The following IFT80 variants were observed in gnomAD, a reference collection of about 807,000 sequenced individuals.
The protein encoded by IFT80 is intraflagellar transport 80.
In IFT80, 79 loss-of-function variants were observed where a neutral mutation model predicts 107.9. The observed-to-expected ratio is 0.73, with a 90% CI of 0.61 to 0.88. The LOEUF is 0.88. Among genes scored for constraint, IFT80 ranks in the 40% least tolerant of loss-of-function variants. The pLI, the probability that IFT80 is intolerant of heterozygous loss-of-function variation, is 0.00. For missense variants in IFT80, 797 were observed against 914.2 expected, an observed-to-expected ratio of 0.87 and a Z score of 1.65; for synonymous variants, 299 against 300.9, an observed-to-expected ratio of 0.99 and a Z score of 0.07.
intron 8 of IFT80, among the ~76,000 whole-genome samples, chr3:160,322,596 C>T (rs1718331472): frequency 6.6e-6 from 1 of 152,052 alleles, no homozygotes; most frequent in Admixed American, 6.6e-5. Context: ...TTCTAGATCC[C>T]TGAGGAATCA....
At chr3:160,289,885 G>T (rs912585276) in intron 12 of IFT80, among the ~76,000 whole-genome samples, 1 of 152,162 alleles carries the variant, frequency 6.6e-6, no homozygotes, top group Admixed American at 6.5e-5. Flanking sequence ...TAGACACCTT[G>T]ACGCAGAAGT....
In IFT80 at chr3:160,324,756, C is replaced by T. The variant is rs1421571194; in HGVS notation, c.778-4817G>A. ...GCCCTCTCTCACCACTCCTATTCAA[C>T]ATAGTGTTGGAAGTTCTGGTCAGGG... On this transcript the variant is annotated intron_variant, in intron 8 of 19. Transcript: ENST00000326448. Among the ~76,000 whole-genome samples, 17 of 152,216 alleles carry T rather than the reference C, an allele frequency of 1.1e-4. No homozygotes were observed. In the East Asian group the frequency reaches 3.1e-3, roughly 28 times the overall value.
intron 1 of IFT80, among the ~76,000 whole-genome samples, chr3:160,386,813 A>G (rs573526110): frequency 6.6e-6 from 1 of 152,350 alleles, no homozygotes; most frequent in South Asian, 2.1e-4. Context: ...GAAGGCCAGT[A>G]TGCCTAAAAT....
chr3:160,381,809 G>T, intron 2 of IFT80, 85 bp from the exon 3 acceptor site: 1 of 1,031,104 alleles, frequency 9.7e-7, no homozygotes, highest in Non-Finnish European at 1.5e-6. Context: ...TAAGGTATAA[G>T]TAAAATAGGG....
chr3:160,366,265 C>A, intron 5 of IFT80, 113 bp from the exon 6 acceptor site: 1 of 751,800 alleles, frequency 1.3e-6, no homozygotes. Flanking sequence ...CATTTCATTT[C>A]TTCTCTTTTC....
intron 9 of IFT80, among the ~76,000 whole-genome samples, chr3:160,314,865 C>G (rs560298113): frequency 6.6e-6 from 1 of 152,128 alleles, no homozygotes; most frequent in East Asian, 1.9e-4. Flanking sequence ...TGGTGTAAAA[C>G]CAAAGAAAAT....
In IFT80 at chr3:160,366,034, G is replaced by T; in HGVS notation, c.549+9C>A. ...CCCTGATAACAATTTACAAATGACT[G>T]AGAAGTACCTGCAAAACTTTAGCAT... is the stretch of plus-strand genomic sequence containing the variant. On this transcript the variant is annotated intron_variant, in intron 6 of 19. Coordinates refer to ENST00000326448, the MANE Select transcript of IFT80 (RefSeq NM_020800.3). 2 of 1,602,250 alleles carry T rather than the reference G, an allele frequency of 1.2e-6. No individual in the cohort carries two copies.
intron 10 of IFT80, among the ~76,000 whole-genome samples, chr3:160,307,441 G>A (rs918738228): frequency 7.2e-5 from 11 of 152,244 alleles, no homozygotes; most frequent in African/African-American, 2.6e-4. Flanking sequence ...GAGCCATTGC[G>A]CCTCGCTTGT....
In IFT80 at chr3:160,288,897, G is replaced by A. The variant is rs1474357580; in HGVS notation, c.1316-3029C>T. On this transcript the variant is annotated intron_variant, in intron 12 of 19. Transcript: ENST00000326448. ...GTTCAATCATTGTGGAGAGGAGTGT[G>A]GCAATTCCTGAAAGAGCTAAAAACA... 2.6e-5 allele frequency among the ~76,000 whole-genome samples: 4 copies of A among 152,132 alleles called. No homozygotes were observed. The South Asian group carries it at 8.3e-4, about 32-fold the overall frequency.
chr3:160,305,660 T>C (rs1379317744), intron 10 of IFT80, among the ~76,000 whole-genome samples: 1 of 152,158 alleles, frequency 6.6e-6, no homozygotes, highest in Non-Finnish European at 1.5e-5. Flanking sequence ...ATATTTTCAA[T>C]ATAATTATCT....
chr3:160,323,469 A>G (rs527320098), intron 8 of IFT80, among the ~76,000 whole-genome samples: 27 of 152,152 alleles, frequency 1.8e-4, no homozygotes, highest in East Asian at 5.8e-4. Context: ...GTCAGGTAGC[A>G]TGATGCCTCC....
chr3:160,307,558 G>A (rs1716916558), intron 10 of IFT80, 105 bp downstream of exon 10: 3 of 770,324 alleles, frequency 3.9e-6, no homozygotes, highest in Non-Finnish European at 7.0e-6. Flanking sequence ...GAGGTTTTGA[G>A]AAAGTTAAGC....
intron 9 of IFT80, among the ~76,000 whole-genome samples, chr3:160,310,984 G>T (rs1175058030): frequency 6.6e-6 from 1 of 152,108 alleles, no homozygotes; most frequent in Non-Finnish European, 1.5e-5. Context: ...AATTAGCTAG[G>T]TGTGGTGGCA....
chr3:160,347,583 A>G (rs1431910779), intron 8 of IFT80, among the ~76,000 whole-genome samples: 1 of 152,202 alleles, frequency 6.6e-6, no homozygotes, highest in Non-Finnish European at 1.5e-5. Context: ...TATACTATCC[A>G]ACAACAATGG....
At chr3:160,326,427 C>A (rs867167377) in intron 8 of IFT80, among the ~76,000 whole-genome samples, 4 of 151,976 alleles carry the variant, frequency 2.6e-5, no homozygotes, top group South Asian at 2.1e-4. Context: ...TAATCCTCAA[C>A]AAAATACTGG....
At chr3:160,278,513 C>T (rs947795639) in intron 16 of IFT80, among the ~76,000 whole-genome samples, 2 of 152,100 alleles carry the variant, frequency 1.3e-5, no homozygotes, top group African/African-American at 2.4e-5. Context: ...TTTTTGGATT[C>T]CTCTCTCTGG....
rs937088075 is a variant in IFT80, at chr3:160,321,755, C to T, written c.778-1816G>A. On this transcript the variant is annotated intron_variant, in intron 8 of 19. Transcript: ENST00000326448. ...CTGCAGTTGACAGAGGGTAACTGAACTCACAGAAAGAGAAACTGTGAAAAA... is the reference window on the plus strand; with the variant it reads ...CTGCAGTTGACAGAGGGTAACTGAATTCACAGAAAGAGAAACTGTGAAAAA... Among the ~76,000 whole-genome samples, 8 of 151,822 alleles carry T rather than the reference C, an allele frequency of 5.3e-5. No homozygotes were observed. The Admixed American group carries it at 5.3e-4, about 10-fold the overall frequency.
chr3:160,264,075 T>C (rs1713087427), intron 19 of IFT80, among the ~76,000 whole-genome samples: 1 of 151,904 alleles, frequency 6.6e-6, no homozygotes, highest in Non-Finnish European at 1.5e-5. Flanking sequence ...GTGTTGGGAT[T>C]ACAGGCTTGA....
chr3:160,320,885 A>G (rs1718163265), intron 8 of IFT80, among the ~76,000 whole-genome samples: 1 of 151,922 alleles, frequency 6.6e-6, no homozygotes, highest in African/African-American at 2.4e-5. Context: ...AGATTTACTA[A>G]TTGATGCTAT....
Sources: gnomAD v4.1 joint callset for allele counts (sites outside exome capture counted in the v4.1 genomes callset) on GRCh38, gnomAD v4.1.1 for gene constraint, MANE v1.5 for transcripts, NCBI Gene and HGNC (gene_info 2026-07-23, HGNC 2026-07-21) for gene names.